The following IQSEC3 variants were observed in gnomAD, a reference collection of about 807,000 sequenced individuals.
The protein encoded by IQSEC3 is IQ motif and Sec7 domain ArfGEF 3.
IQSEC3 carries 50 observed loss-of-function variants against 105.4 expected under a neutral mutation model. The observed-to-expected ratio is 0.47, with a 90% CI of 0.38 to 0.60. The LOEUF is 0.60. IQSEC3 is among the 20% of genes least tolerant of loss of function. The pLI is 0.00. For synonymous variants in IQSEC3, 708 were observed against 746.0 expected, an observed-to-expected ratio of 0.95 and a Z score of 0.83; for missense variants, 1,415 against 1,630.0, an observed-to-expected ratio of 0.87 and a Z score of 2.27.
Position 109,477 on chromosome 12 carries a change from C to T in IQSEC3, c.623+10263C>T, listed in dbSNP as rs573751711. On this transcript the variant is annotated intron_variant, in intron 2 of 13. Transcript: ENST00000538872. ...AGTGAAACAGCAGCAAACCTTAATG[C>T]TCATCTCATCCACTCACCCTTCCAC... Among the ~76,000 whole-genome samples the T allele has an allele frequency of 7.2e-5, 11 of 152,260 alleles. No homozygotes were observed. The South Asian group carries it at 1.2e-3, about 17-fold the overall frequency.
At chr12:92,159 A>C (rs1262682392) in intron 1 of IQSEC3, among the ~76,000 whole-genome samples, 1 of 152,202 alleles carries the variant, frequency 6.6e-6, no homozygotes, top group Non-Finnish European at 1.5e-5. Context: ...TGCTGAAGCC[A>C]CAGGGGACTG....
intron 12 of IQSEC3, among the ~76,000 whole-genome samples, chr12:170,016 CCT>C (rs1938890530): frequency 6.6e-6 from 1 of 152,208 alleles, no homozygotes. Flanking sequence ...CACAGTCGGC[CCT>C]GAGTCCTGAC....
intron 2 of IQSEC3, among the ~76,000 whole-genome samples, chr12:100,852 G>A (rs1555075983): frequency 6.6e-6 from 1 of 152,132 alleles, no homozygotes; most frequent in African/African-American, 2.4e-5. Context: ...AAAGAGGAGA[G>A]CGTGGAGATG....
chr12:93,022 G>C (rs1478967500), intron 1 of IQSEC3, among the ~76,000 whole-genome samples: 1 of 152,236 alleles, frequency 6.6e-6, no homozygotes, highest in Non-Finnish European at 1.5e-5. Flanking sequence ...AGGTACTTTT[G>C]TGTGGCCTTT....
chr12:165,397 G>C (rs553623660), intron 9 of IQSEC3, 37 bp from the exon 10 acceptor site: 1 of 1,522,328 alleles, frequency 6.6e-7, no homozygotes, highest in East Asian at 2.3e-5. Context: ...GTGAGTGTCT[G>C]TTCATCAGGG....
chr12:133,937 T>C (rs1865675731), intron 3 of IQSEC3, among the ~76,000 whole-genome samples: 1 of 152,176 alleles, frequency 6.6e-6, no homozygotes, highest in South Asian at 2.1e-4. Flanking sequence ...GAGGTTATTG[T>C]TCTGGAGGTT....
chr12:138,783 C>A lies in IQSEC3; in HGVS notation c.1420C>A (p.Pro474Thr). 1 of 1,597,940 alleles carries A rather than the reference C, an allele frequency of 6.3e-7. No individual in the cohort carries two copies. The highest frequency in any genetic ancestry group is 1.1e-5 in the South Asian group (1 of 89,680). ...GDDAAETPGLPPAHSGTLMMA... is the reference protein window; with the variant it reads ...GDDAAETPGLTPAHSGTLMMA... ...TGACGCCGCGGAGACCCCCGGCCTG[C>A]CCCCGGCCCACAGCGGGACCCTCAT... is the stretch of plus-strand genomic sequence containing the variant. Residue 474 changes from proline (P) to threonine (T), a missense_variant, in exon 4 of 14, where the codon CCC becomes ACC. Physicochemically the swap from Pro to Thr is conservative, Grantham distance 38 (BLOSUM62 -1). Around this residue, in one of 6 missense-constraint regions of IQSEC3, gnomAD observed 720 missense variants for 633.0 expected, o/e 1.14. Coordinates refer to ENST00000538872, the MANE Select transcript of IQSEC3 (RefSeq NM_001170738.2). The surrounding 1 kb of genome is among the most constrained non-coding windows in gnomAD (Gnocchi z 7.1).
At chr12:174,063 G>A (rs1004338312) in intron 13 of IQSEC3, among the ~76,000 whole-genome samples, 4 of 152,198 alleles carry the variant, frequency 2.6e-5, no homozygotes, top group Non-Finnish European at 5.9e-5. Flanking sequence ...GGGAGGACAG[G>A]TAGGTCCAGA....
chr12:107,913 C>T (rs1436987575), intron 2 of IQSEC3, among the ~76,000 whole-genome samples: 1 of 152,162 alleles, frequency 6.6e-6, no homozygotes, highest in Non-Finnish European at 1.5e-5. Flanking sequence ...ATTTCGGTCC[C>T]ATCAGGGAGC....
chr12:145,350 C>T (rs1351266556), intron 5 of IQSEC3, among the ~76,000 whole-genome samples: 1 of 152,206 alleles, frequency 6.6e-6, no homozygotes, highest in Non-Finnish European at 1.5e-5. Flanking sequence ...TCAAAGCTCG[C>T]TGCAACTTGA....
intron 7 of IQSEC3, 104 bp downstream of exon 7, chr12:157,798 C>G: frequency 7.6e-7 from 1 of 1,311,202 alleles, no homozygotes; most frequent in Non-Finnish European, 1.0e-6. Context: ...AGATGGTCAC[C>G]TGCTGTCTGG....
Position 165,450 on chromosome 12 carries a change from CGAA to C in IQSEC3, c.2735_2737del (p.Lys912del), listed in dbSNP as rs1565449026. 19 of 1,613,724 alleles carry C rather than the reference CGAA, an allele frequency of 1.2e-5. No individual in the cohort carries two copies. Among genetic ancestry groups the C allele is most frequent in the East Asian group, 6.7e-5 (3 of 44,898 alleles). ...CCTGAACAGATTCTCAAACTTTGCC[CGAA>C]GAAGAAGAGCTCCTCCACGTACACC... On this transcript the variant is annotated inframe_deletion, in exon 10 of 14. Coordinates refer to ENST00000538872, the MANE Select transcript of IQSEC3 (RefSeq NM_001170738.2).
chr12:172,490 C>T (rs1939059810), intron 13 of IQSEC3, among the ~76,000 whole-genome samples: 1 of 152,192 alleles, frequency 6.6e-6, no homozygotes, highest in African/African-American at 2.4e-5. Flanking sequence ...CTCCCTCCTG[C>T]CCTAACAGCA....
intron 5 of IQSEC3, among the ~76,000 whole-genome samples, chr12:153,044 A>G (rs1336268716): frequency 6.6e-6 from 1 of 152,070 alleles, no homozygotes; most frequent in African/African-American, 2.4e-5. Context: ...GAGTGCTGGT[A>G]GACACTGCAA....
chr12:151,641 G>A (rs1555092725), intron 5 of IQSEC3, among the ~76,000 whole-genome samples: 2 of 152,040 alleles, frequency 1.3e-5, no homozygotes, highest in Non-Finnish European at 2.9e-5. Context: ...ACCCTCTATT[G>A]TGTCCCAGTG....
intron 3 of IQSEC3, among the ~76,000 whole-genome samples, chr12:128,748 G>A (rs193072855): frequency 4.1e-4 from 63 of 152,196 alleles, no homozygotes; most frequent in Admixed American, 3.2e-3. Flanking sequence ...CCTGCACGCC[G>A]GGAGACCTCC....
At chr12:89,136 T>G (rs1864006344) in intron 1 of IQSEC3, among the ~76,000 whole-genome samples, 1 of 152,076 alleles carries the variant, frequency 6.6e-6, no homozygotes, top group Non-Finnish European at 1.5e-5. Flanking sequence ...GGACTCTCAG[T>G]CCTTAGGCCC....
chr12:89,178 C>T (rs1341725068), intron 1 of IQSEC3, among the ~76,000 whole-genome samples: 1 of 152,174 alleles, frequency 6.6e-6, no homozygotes, highest in Non-Finnish European at 1.5e-5. Flanking sequence ...CAGCCATCCC[C>T]ACCCCCAATT....
At chr12:87,463 T>G (rs1480035858) in intron 1 of IQSEC3, among the ~76,000 whole-genome samples, 2 of 152,324 alleles carry the variant, frequency 1.3e-5, no homozygotes, top group Non-Finnish European at 2.9e-5. Context: ...TTCTTAGATT[T>G]GGCAACTAAG....
Sources: gnomAD v4.1 joint callset for allele counts (sites outside exome capture counted in the v4.1 genomes callset) on GRCh38, gnomAD v4.1.1 for gene constraint, gnomAD v4.1.1 regional missense constraint, Gnocchi (gnomAD v3.1) non-coding constraint, MANE v1.5 for transcripts, NCBI Gene and HGNC (gene_info 2026-07-23, HGNC 2026-07-21) for gene names.